RSU1: variants seen among roughly 807,000 people sequenced by gnomAD.
RSU1 encodes rsu-1.
Under a neutral mutation model 31.1 loss-of-function variants are expected in RSU1, and 26 were observed. That is an observed-to-expected ratio of 0.84 (90% CI 0.61 to 1.16). The LOEUF is 1.16. Among genes scored for constraint, RSU1 ranks in the 50% most tolerant of loss-of-function variants. RSU1 has a pLI of 0.00. For synonymous variants in RSU1, 164 were observed against 136.3 expected (o/e 1.20, Z -1.41); for missense variants, 320 against 339.1 (o/e 0.94, Z 0.44).
Position 16,671,627 on chromosome 10 carries a change from T to G in RSU1, c.731+23396A>C, listed in dbSNP as rs193014152. On this transcript the variant is annotated intron_variant, in intron 8 of 8. Coordinates refer to ENST00000345264, the MANE Select transcript of RSU1 (RefSeq NM_012425.4). ...CCACACCTGACTCAAAGGTGTTTTT[T>G]TTTGTTTGTTTGTTTTTGAGATGGA... Among the ~76,000 whole-genome samples, 139 of 151,870 alleles carry G rather than the reference T, an allele frequency of 9.2e-4. 2 individuals are homozygous for G. In the East Asian group the frequency reaches 0.024, roughly 27 times the overall value.
chr10:16,814,512 G>A (rs902928315), intron 2 of RSU1, among the ~76,000 whole-genome samples: 18 of 150,922 alleles, frequency 1.2e-4, no homozygotes, highest in Non-Finnish European at 2.1e-4. Context: ...GCCATGTGAA[G>A]TATTTTAATA....
intron 7 of RSU1, among the ~76,000 whole-genome samples, chr10:16,724,828 A>G (rs117343063): frequency 3.3e-5 from 5 of 152,374 alleles, no homozygotes; most frequent in African/African-American, 1.2e-4. Context: ...GATAATTCAC[A>G]TATCATGGGA....
intron 8 of RSU1, among the ~76,000 whole-genome samples, chr10:16,635,747 T>C (rs1834333998): frequency 6.6e-6 from 1 of 152,240 alleles, no homozygotes; most frequent in Admixed American, 6.5e-5. Flanking sequence ...TTTATTTGCC[T>C]TCACTTGGAA....
chr10:16,661,478 T>C (rs1326343727), intron 8 of RSU1, among the ~76,000 whole-genome samples: 1 of 152,202 alleles, frequency 6.6e-6, no homozygotes, highest in African/African-American at 2.4e-5. Context: ...ATTTTTTAAA[T>C]GTAGTTTCCA....
intron 8 of RSU1, among the ~76,000 whole-genome samples, chr10:16,642,313 T>C (rs1037032035): frequency 7.2e-5 from 11 of 152,092 alleles, no homozygotes; most frequent in Admixed American, 3.9e-4. Flanking sequence ...AGAGAAGCTG[T>C]AGAAAAACAA....
intron 8 of RSU1, among the ~76,000 whole-genome samples, chr10:16,646,947 A>G (rs1834583896): frequency 6.6e-6 from 1 of 152,080 alleles, no homozygotes. Context: ...TCAGATGGTA[A>G]CATGTGTTGG....
At chr10:16,607,131 C>T (rs769274830) in intron 8 of RSU1, among the ~76,000 whole-genome samples, 6 of 152,108 alleles carry the variant, frequency 3.9e-5, no homozygotes, top group Admixed American at 6.6e-5. Flanking sequence ...AGTGAGTTCT[C>T]GCGAGATCTG....
intron 3 of RSU1, among the ~76,000 whole-genome samples, chr10:16,766,443 C>A (rs899160021): frequency 2.0e-5 from 3 of 152,158 alleles, no homozygotes; most frequent in African/African-American, 7.2e-5. Flanking sequence ...GGGCCGGGAG[C>A]GGTGGCTCAC....
intron 2 of RSU1, 152 bp from the exon 3 acceptor site, chr10:16,782,236 G>A (rs1042820884): frequency 1.5e-5 from 9 of 620,274 alleles, no homozygotes; most frequent in African/African-American, 1.1e-4. Context: ...CATGTAACAC[G>A]ATCTATTCAA....
intron 4 of RSU1, among the ~76,000 whole-genome samples, chr10:16,757,115 G>A (rs1157239740): frequency 1.3e-5 from 2 of 150,466 alleles, no homozygotes; most frequent in African/African-American, 4.9e-5. Flanking sequence ...GTGTGGGTGT[G>A]CGTGTGTGTG....
At chr10:16,726,326 G>A (rs185486606) in intron 7 of RSU1, among the ~76,000 whole-genome samples, 37 of 145,784 alleles carry the variant, frequency 2.5e-4, no homozygotes, top group African/African-American at 9.3e-4. Flanking sequence ...AGAGTGCAGT[G>A]GCGCAATCTC....
chr10:16,791,436 T>G (rs1837909011), intron 2 of RSU1, among the ~76,000 whole-genome samples: 1 of 152,108 alleles, frequency 6.6e-6, no homozygotes, highest in Admixed American at 6.5e-5. Context: ...GAGTTCAGGA[T>G]TTCAGGACAT....
chr10:16,665,704 T>C (rs967557299), intron 8 of RSU1, among the ~76,000 whole-genome samples: 1 of 152,198 alleles, frequency 6.6e-6, no homozygotes, highest in African/African-American at 2.4e-5. Flanking sequence ...GGAGATATCT[T>C]CTAAACCTAT....
At chr10:16,732,996 T>C (rs2131602179) in intron 7 of RSU1, among the ~76,000 whole-genome samples, 1 of 152,248 alleles carries the variant, frequency 6.6e-6, no homozygotes, top group South Asian at 2.1e-4. Flanking sequence ...GTTCCTCATC[T>C]GTAAAATGGG....
chr10:16,638,975 A>C (rs1834394146), intron 8 of RSU1, among the ~76,000 whole-genome samples: 1 of 152,240 alleles, frequency 6.6e-6, no homozygotes, highest in African/African-American at 2.4e-5. Context: ...AAATAACATA[A>C]TGCAGTGTAA....
chr10:16,628,421 G>A (rs1356040928), intron 8 of RSU1, among the ~76,000 whole-genome samples: 2 of 152,152 alleles, frequency 1.3e-5, no homozygotes, highest in African/African-American at 4.8e-5. Context: ...AATTTAAGTC[G>A]TGTACCTAAT....
chr10:16,786,764 G>C (rs10904809), intron 2 of RSU1, among the ~76,000 whole-genome samples: 65,358 of 151,928 alleles, frequency 0.43, 17,148 homozygotes, highest in African/African-American at 0.75. Context: ...ACTCCGCTTC[G>C]TTGGCCTTTA....
At chr10:16,649,667 A>G (rs1834643313) in intron 8 of RSU1, among the ~76,000 whole-genome samples, 1 of 152,198 alleles carries the variant, frequency 6.6e-6, no homozygotes, top group Admixed American at 6.5e-5. Flanking sequence ...CACACGGCAC[A>G]ACAGAACTAT....
chr10:16,734,817 A>C (rs1200851730), intron 7 of RSU1, among the ~76,000 whole-genome samples: 2 of 152,208 alleles, frequency 1.3e-5, no homozygotes, highest in Non-Finnish European at 2.9e-5. Flanking sequence ...GAATGTGACT[A>C]TTTGGAAATG....
Sources: allele counts gnomAD v4.1 joint callset (sites outside exome capture counted in the v4.1 genomes callset), GRCh38; gene constraint gnomAD v4.1.1; transcripts MANE v1.5; gene names NCBI Gene and HGNC (gene_info 2026-07-23, HGNC 2026-07-21).